The following PROX2 variants were observed in gnomAD, a reference collection of about 807,000 sequenced individuals.
PROX2 encodes the protein prospero homeobox protein 2.
PROX2 carries 46 observed loss-of-function variants against 48.9 expected under a neutral mutation model. That is an observed-to-expected ratio of 0.94 (90% CI 0.74 to 1.20). The LOEUF is 1.20. Ranked by LOEUF, PROX2 falls within the 50% of genes most tolerant of loss-of-function variation. The pLI is 0.00. For missense variants in PROX2, 663 were observed against 719.4 expected (o/e 0.92, Z 0.90); for synonymous variants, 260 against 276.6 (o/e 0.94, Z 0.60).
In PROX2 at chr14:74,863,282, G is replaced by T; in HGVS notation, c.553C>A (p.Pro185Thr). ...AKQGNGCGPR[P>T]WVVDGDHQQG... ...TGGTGGTCACCGTCCACAACCCAGGGGCGAGGCCCACAGCCATTCCCCTGC... is the reference window on the plus strand; with the variant it reads ...TGGTGGTCACCGTCCACAACCCAGGTGCGAGGCCCACAGCCATTCCCCTGC... The change falls in exon 3 of 6, where the codon CCC becomes ACC. Residue 185 changes from proline (P) to threonine (T), a missense_variant. Transcript: ENST00000556489. 1.2e-6 allele frequency: 2 copies of T among 1,613,970 alleles called. No homozygotes were observed. Among genetic ancestry groups the T allele is most frequent in the Non-Finnish European group, 1.7e-6 (2 of 1,179,866 alleles).
At chr14:74,856,740 A>C in intron 5 of PROX2, 61 bp downstream of exon 5, 1 of 1,453,612 alleles carries the variant, frequency 6.9e-7, no homozygotes, top group Admixed American at 1.8e-5. Context: ...CTTTCCTAAA[A>C]CTCGAATCAT....
intron 5 of PROX2, 100 bp from the exon 6 acceptor site, chr14:74,855,402 T>G: frequency 1.6e-5 from 15 of 965,038 alleles, no homozygotes; most frequent in South Asian, 2.4e-5. Context: ...TCTTGGGTAG[T>G]GGGCTAGGAG....
intron 1 of PROX2, chr14:74,874,134 CA>C: frequency 1.9e-6 from 1 of 523,630 alleles, no homozygotes; most frequent in Non-Finnish European, 3.9e-6. Context: ...ATGGCAAGAA[CA>C]GCAGTATATT....
chr14:74,863,513 G>T lies in PROX2; in HGVS notation c.322C>A (p.Leu108Ile). 1 of 1,613,626 alleles carries T rather than the reference G, an allele frequency of 6.2e-7. No homozygotes were observed. The highest frequency in any genetic ancestry group is 8.5e-7 in the Non-Finnish European group (1 of 1,179,702). Residue 108 changes from leucine to isoleucine, a missense_variant, in exon 3 of 6, where the codon CTT (leucine) becomes ATT (isoleucine). Leu to Ile is a conservative substitution (Grantham distance 5). Transcript: ENST00000556489. ...ATCAGGAGGCCTTGCGGTGTGGGAA[G>T]GTTCTGCTTCCTCTTCCTCTCTCGG... ...KARERKRKQN[L>I]PTPQGLLMPA... is the part of the protein sequence containing the mutation.
At position 74,863,320 on chromosome 14, in the gene PROX2, G is replaced by A; in HGVS notation, c.515C>T (p.Pro172Leu). Residue 172 changes from proline to leucine, a missense_variant, in exon 3 of 6, where the codon CCT becomes CTT. Physicochemically the swap from Pro to Leu is moderately conservative, Grantham distance 98 (BLOSUM62 -3). Coordinates refer to ENST00000556489, the MANE Select transcript of PROX2 (RefSeq NM_001243007.2). ...GCCATTCCCCTGCTTTGCACTCAGAGGGCCTTTCCCCGTGCCACAGCCTCC... is the reference window on the plus strand; with the variant it reads ...GCCATTCCCCTGCTTTGCACTCAGAAGGCCTTTCCCCGTGCCACAGCCTCC... ...GPGGCGTGKG[P>L]LSAKQGNGCG... 6.2e-7 allele frequency: 1 copy of A among 1,614,030 alleles called. No homozygotes were observed. The highest frequency in any genetic ancestry group is 8.5e-7 in the Non-Finnish European group (1 of 1,179,886).
chr14:74,876,062 G>A lies in PROX2; in HGVS notation c.-477C>T, dbSNP rs867303163. Among the ~76,000 whole-genome samples, 3 of 152,220 alleles carry A rather than the reference G, an allele frequency of 2.0e-5. No homozygotes were observed. Among genetic ancestry groups the A allele is most frequent in the Non-Finnish European group, 2.9e-5 (2 of 68,040 alleles). On this transcript the variant is annotated 5_prime_UTR_variant, in exon 1 of 6. The change creates a new upstream start codon in the 5' untranslated region. Transcript: ENST00000556489. The stretch of plus-strand genomic sequence containing the variant: ...TCCTCTCCAGGCAGGCCGGGTGCCC[G>A]TGGCTGGGTGAGGGGAGGCTCTGGC...
chr14:74,854,174 G>A lies in PROX2; in HGVS notation c.*958C>T, dbSNP rs1214592153. ...CACAGTCTGAAGTTCAGCTTCTTCT[G>A]CATATATGAGGTTGGGGCACCAATT... is the stretch of plus-strand genomic sequence containing the variant. On this transcript the variant is annotated 3_prime_UTR_variant, in exon 6 of 6. Transcript: ENST00000556489. The A allele has an allele frequency of 7.3e-6, 3 of 412,620 alleles. No homozygotes were observed. Among genetic ancestry groups the A allele is most frequent in the Non-Finnish European group, 1.5e-5 (3 of 203,834 alleles). 25.6% of individuals were successfully genotyped at this position (412,620 alleles called of 1,614,324 possible).
Position 74,854,214 on chromosome 14 carries a change from G to T in PROX2, c.*918C>A, listed in dbSNP as rs1384706484. 1 of 448,508 alleles carries T rather than the reference G, an allele frequency of 2.2e-6. No individual in the cohort carries two copies. The highest frequency in any genetic ancestry group is 2.4e-5 in the Admixed American group (1 of 40,948). The allele number at this position is 448,508 out of a possible 1,614,324, so 27.8% of individuals were successfully genotyped here. A position where few individuals can be genotyped will look rare whatever the true frequency, so the allele number is the denominator to read the frequency against. On this transcript the variant is annotated 3_prime_UTR_variant, in exon 6 of 6. Coordinates refer to ENST00000556489, the MANE Select transcript of PROX2 (RefSeq NM_001243007.2). ...GGGCACCAATTGCAATGGTCAGCTG[G>T]AGACTATTTGCATTATCCAGCTGAT...
At chr14:74,862,482 C>T (rs1213522714) in intron 3 of PROX2, 48 bp downstream of exon 3, 1 of 1,568,664 alleles carries the variant, frequency 6.4e-7, no homozygotes, top group African/African-American at 1.3e-5. Flanking sequence ...GCATGAGCCA[C>T]ACTGCACCTG....
At chr14:74,868,361 A>ATATATATATAT (rs71119334) in intron 2 of PROX2, among the ~76,000 whole-genome samples, 2 of 126,138 alleles carry the variant, frequency 1.6e-5, no homozygotes, top group African/African-American at 2.9e-5. Context: ...ATATATATAT[A>ATATATATATAT]AACAAAAATG....
At chr14:74,858,125 A>G in intron 4 of PROX2, 1 of 279,406 alleles carries the variant, frequency 3.6e-6, no homozygotes, top group South Asian at 9.3e-5. Context: ...GCCACTAACT[A>G]GTGTTTCTGT....
chr14:74,868,106 C>T (rs968493174), intron 2 of PROX2, among the ~76,000 whole-genome samples: 1 of 151,902 alleles, frequency 6.6e-6, no homozygotes, highest in Non-Finnish European at 1.5e-5. Context: ...TAGCAATTGT[C>T]ATAATCCTTT....
At chr14:74,868,341 A>T (rs984370478) in intron 2 of PROX2, among the ~76,000 whole-genome samples, 2 of 136,202 alleles carry the variant, frequency 1.5e-5, no homozygotes, top group Non-Finnish European at 3.2e-5. Context: ...ATATATATAT[A>T]TATATATATA....
intron 2 of PROX2, among the ~76,000 whole-genome samples, chr14:74,869,460 T>G (rs990639301): frequency 2.0e-5 from 3 of 152,140 alleles, no homozygotes; most frequent in South Asian, 4.2e-4. Flanking sequence ...GTATTTTTAG[T>G]AGAGACAGGG....
At chr14:74,871,963 G>A (rs1883226108) in intron 1 of PROX2, 1 of 152,182 alleles carries the variant, frequency 6.6e-6, no homozygotes, top group South Asian at 2.1e-4. Flanking sequence ...AATATCCCTG[G>A]AGAGCTCCCG....
chr14:74,866,630 A>C (rs1372199333), intron 2 of PROX2, among the ~76,000 whole-genome samples: 2 of 152,224 alleles, frequency 1.3e-5, no homozygotes, highest in Non-Finnish European at 2.9e-5. Context: ...ATGTGGAGTC[A>C]CTGGGAATCT....
At chr14:74,866,641 T>C (rs1428985817) in intron 2 of PROX2, among the ~76,000 whole-genome samples, 1 of 152,190 alleles carries the variant, frequency 6.6e-6, no homozygotes, top group African/African-American at 2.4e-5. Flanking sequence ...CTGGGAATCT[T>C]GATCAACAGT....
chr14:74,861,749 G>A (rs376407835), intron 3 of PROX2, among the ~76,000 whole-genome samples: 4 of 152,124 alleles, frequency 2.6e-5, no homozygotes, highest in East Asian at 1.9e-4. Flanking sequence ...TTTAATCCCC[G>A]AGGAAAACTC....
intron 3 of PROX2, among the ~76,000 whole-genome samples, chr14:74,860,398 AG>A (rs952394775): frequency 1.3e-5 from 2 of 151,824 alleles, no homozygotes; most frequent in Non-Finnish European, 1.5e-5. Flanking sequence ...CATCATTCTT[AG>A]GGGGGGAAAA....
Sources: gnomAD v4.1 joint callset for allele counts (sites outside exome capture counted in the v4.1 genomes callset) on GRCh38, gnomAD v4.1.1 for gene constraint, MANE v1.5 for transcripts, NCBI Gene and HGNC (gene_info 2026-07-23, HGNC 2026-07-21) for gene names.